CNTNAP2: variants seen among roughly 807,000 people sequenced by gnomAD.
The protein encoded by CNTNAP2 is contactin-associated protein-like 2.
In CNTNAP2, 98 loss-of-function variants were observed where a neutral mutation model predicts 155.2. That is an observed-to-expected ratio of 0.63 (90% CI 0.54 to 0.75). The LOEUF (loss-of-function observed/expected upper bound fraction) is 0.75. Ranked by LOEUF, CNTNAP2 falls within the 30% of genes least tolerant of loss-of-function variation. The pLI, the probability that CNTNAP2 is intolerant of heterozygous loss-of-function variation, is 0.00. For synonymous variants in CNTNAP2, 651 were observed against 631.2 expected, an observed-to-expected ratio of 1.03 and a Z score of -0.47; for missense variants, 1,727 against 1,688.1, an observed-to-expected ratio of 1.02 and a Z score of -0.40.
chr7:147,612,552 C>T (rs1453897905), intron 12 of CNTNAP2, among the ~76,000 whole-genome samples: 3 of 151,886 alleles, frequency 2.0e-5, no homozygotes, highest in Non-Finnish European at 2.9e-5. Context: ...AGGCATGCAC[C>T]ACCATGCCTG....
chr7:147,749,122 AG>A (rs1383686718), intron 13 of CNTNAP2, among the ~76,000 whole-genome samples: 1 of 152,228 alleles, frequency 6.6e-6, no homozygotes, highest in African/African-American at 2.4e-5. Flanking sequence ...AAAAGTCAAA[AG>A]AATAAAATAA....
chr7:147,453,960 G>A (rs7806838), intron 10 of CNTNAP2, among the ~76,000 whole-genome samples: 33,207 of 152,010 alleles, frequency 0.22, 4,180 homozygotes, highest in African/African-American at 0.34. Flanking sequence ...CCTAAGATGC[G>A]CCATGTTCTC....
intron 4 of CNTNAP2, among the ~76,000 whole-genome samples, chr7:147,107,527 T>A (rs1290067055): frequency 6.6e-6 from 1 of 152,210 alleles, no homozygotes; most frequent in Non-Finnish European, 1.5e-5. Flanking sequence ...CCATTCCAAA[T>A]GCAAGGAGGT....
intron 1 of CNTNAP2, among the ~76,000 whole-genome samples, chr7:146,158,999 G>A (rs570229136): frequency 2.8e-4 from 42 of 152,224 alleles, no homozygotes; most frequent in South Asian, 1.7e-3. Context: ...GAGAAAGGTC[G>A]GGTTACCCAC....
At chr7:147,332,668 C>A (rs1171345297) in intron 9 of CNTNAP2, among the ~76,000 whole-genome samples, 7 of 152,126 alleles carry the variant, frequency 4.6e-5, no homozygotes, top group African/African-American at 1.7e-4. Flanking sequence ...TCGAGACCAG[C>A]CTGACCAACA....
intron 13 of CNTNAP2, among the ~76,000 whole-genome samples, chr7:147,838,774 C>T (rs1798672406): frequency 1.3e-5 from 2 of 152,166 alleles, no homozygotes; most frequent in South Asian, 4.1e-4. Flanking sequence ...CCACATTTTC[C>T]TGTCTTCTTT....
At chr7:146,273,086 A>AAGAGAGAGAGAGAGAGAG (rs58582637) in intron 1 of CNTNAP2, among the ~76,000 whole-genome samples, 1 of 138,006 alleles carries the variant, frequency 7.2e-6, no homozygotes, top group African/African-American at 2.9e-5. Context: ...GAGAAAGAGA[A>AAGAGAGAGAGAGAGAGAG]AGAGAGAGAG....
intron 15 of CNTNAP2, among the ~76,000 whole-genome samples, chr7:148,032,472 G>C (rs1802495962): frequency 6.6e-6 from 1 of 152,254 alleles, no homozygotes; most frequent in South Asian, 2.1e-4. Flanking sequence ...GGAGCCCAGT[G>C]AAAGGTGCCA....
At chr7:147,575,199 TG>T (rs1800368591) in intron 12 of CNTNAP2, among the ~76,000 whole-genome samples, 3 of 27,516 alleles carry the variant, frequency 1.1e-4, no homozygotes, top group African/African-American at 5.6e-4. Flanking sequence ...TGTGTGTGTG[TG>T]TGTATTCCCT....
chr7:147,304,839 T>C (rs553528202), intron 9 of CNTNAP2, among the ~76,000 whole-genome samples: 2 of 152,338 alleles, frequency 1.3e-5, no homozygotes, highest in East Asian at 3.9e-4. Context: ...ATGTTTTTCA[T>C]GGTTCTTGAG....
chr7:147,676,188 C>T (rs983104680), intron 13 of CNTNAP2, among the ~76,000 whole-genome samples: 4 of 151,776 alleles, frequency 2.6e-5, no homozygotes, highest in African/African-American at 9.7e-5. Context: ...AATAGACATA[C>T]GATGACTAAT....
rs59549593 is a variant in CNTNAP2 at position 146,979,297 on chromosome 7, C to A, written c.403-64610C>A. ...TACTGTGTATGATAGCCACACTGGCCGCCTTCTATTTTTACAAAGATTGCT... is the reference window on the plus strand; with the variant it reads ...TACTGTGTATGATAGCCACACTGGCAGCCTTCTATTTTTACAAAGATTGCT... On this transcript the variant is annotated intron_variant, in intron 3 of 23. Coordinates refer to ENST00000361727, the MANE Select transcript of CNTNAP2 (RefSeq NM_014141.6). Among the ~76,000 whole-genome samples the A allele has an allele frequency of 8.5e-3, 1,287 of 152,146 alleles. 57 individuals carry two copies. In the East Asian group the frequency reaches 0.15, roughly 17 times the overall value.
At chr7:148,228,854 T>G (rs978229514) in intron 19 of CNTNAP2, among the ~76,000 whole-genome samples, 4 of 150,794 alleles carry the variant, frequency 2.7e-5, no homozygotes, top group Non-Finnish European at 5.9e-5. Flanking sequence ...CTATGTTTAT[T>G]TTTAATATTG....
chr7:147,059,745 C>T (rs939973408), intron 4 of CNTNAP2, among the ~76,000 whole-genome samples: 5 of 152,000 alleles, frequency 3.3e-5, no homozygotes, highest in African/African-American at 9.7e-5. Context: ...TAATTATTCC[C>T]CCATTTTGCA....
intron 1 of CNTNAP2, among the ~76,000 whole-genome samples, chr7:146,137,892 T>A (rs1176874412): frequency 6.6e-6 from 1 of 151,940 alleles, no homozygotes; most frequent in Non-Finnish European, 1.5e-5. Flanking sequence ...TACTTAATAT[T>A]TAATTCTTTA....
At chr7:147,802,782 A>AGGGATG (rs1798026997) in intron 13 of CNTNAP2, among the ~76,000 whole-genome samples, 1 of 44,292 alleles carries the variant, frequency 2.3e-5, no homozygotes, top group African/African-American at 1.5e-4. Flanking sequence ...GGAGAGGGAG[A>AGGGATG]GGGAGGGGGA....
intron 2 of CNTNAP2, among the ~76,000 whole-genome samples, chr7:146,828,272 AAAT>A (rs1329446947): frequency 6.6e-6 from 1 of 152,098 alleles, no homozygotes; most frequent in East Asian, 1.9e-4. Flanking sequence ...TAAATGGTGT[AAAT>A]AATATGCCCC....
At chr7:146,439,705 G>A (rs1010052491) in intron 1 of CNTNAP2, among the ~76,000 whole-genome samples, 2 of 151,402 alleles carry the variant, frequency 1.3e-5, no homozygotes, top group Non-Finnish European at 2.9e-5. Flanking sequence ...AATGACTCTT[G>A]TCGTAGTCAC....
rs190715229 is a variant in CNTNAP2, at chr7:146,628,727, C to T, written c.98-145544C>T. Among the ~76,000 whole-genome samples, 412 of 152,106 alleles carry T rather than the reference C, an allele frequency of 2.7e-3. 3 individuals carry two copies. Among genetic ancestry groups the T allele is most frequent in the African/African-American group, 9.2e-3 (384 of 41,518 alleles). ...AGGATAGTATTTAGAGACTGTACTT[C>T]GATCAAGTATATGAGCACAGAAGGA... On this transcript the variant is annotated intron_variant, in intron 1 of 23. Transcript: ENST00000361727.
Sources: gnomAD v4.1 joint callset for allele counts (sites outside exome capture counted in the v4.1 genomes callset) on GRCh38, gnomAD v4.1.1 for gene constraint, MANE v1.5 for transcripts, NCBI Gene and HGNC (gene_info 2026-07-23, HGNC 2026-07-21) for gene names.